The following ARSL variants were observed in gnomAD, a reference collection of about 807,000 sequenced individuals.
ARSL encodes the protein arylsulfatase L.
ARSL carries 4 observed loss-of-function variants against 31.1 expected under a neutral mutation model. That is an observed-to-expected ratio of 0.13 (90% confidence interval 0.06 to 0.29). ARSL has a LOEUF of 0.29. Among genes scored for constraint, ARSL ranks in the 10% least tolerant of loss-of-function variants. The pLI, the probability that ARSL is intolerant of heterozygous loss-of-function variation, is 1.00. For missense variants in ARSL, 312 were observed against 497.8 expected, an observed-to-expected ratio of 0.63 and a Z score of 3.55; for synonymous variants, 198 against 209.9, an observed-to-expected ratio of 0.94 and a Z score of 0.49.
At chrX:2,947,250 A>G (rs754728019) in intron 6 of ARSL, among the ~76,000 whole-genome samples, 97 of 111,672 alleles carry the variant, frequency 8.7e-4, no homozygotes, top group Non-Finnish European at 1.5e-3. Context: ...CCCGAATATT[A>G]TAATGTTCTA....
chrX:2,951,627 A>AAAAACAAAAG (rs1569106694), intron 5 of ARSL, among the ~76,000 whole-genome samples: 5 of 105,574 alleles, frequency 4.7e-5, no homozygotes, highest in Non-Finnish European at 9.7e-5. Flanking sequence ...AAAAAAAAAA[A>AAAAACAAAAG]AAAAAAAAGA....
At chrX:2,944,278 A>AT (rs1555909221) in intron 7 of ARSL, among the ~76,000 whole-genome samples, 1 of 108,833 alleles carries the variant, frequency 9.2e-6, no homozygotes, top group African/African-American at 3.4e-5. Flanking sequence ...ACATGGTGAA[A>AT]CCCCATCTCT....
rs80338714 is a variant in ARSL at position 2,934,859 on chromosome X, C to T, written c.1743G>A (p.Trp581Ter). The T allele has an allele frequency of 1.8e-5, 22 of 1,198,580 alleles. No individual in the cohort carries two copies. Among genetic ancestry groups the T allele is most frequent in the Non-Finnish European group, 2.3e-5 (20 of 887,983 alleles). Reference protein sequence around the residue: ...QPCCGPFPLCWCLREDDPQ With the variant: ...QPCCGPFPLC ...ATTGTGGGTCATCTTCCCTAAGGCACCAGCAGAGGGGGAACGGGCCACAGC... is the reference window on the plus strand; with the variant it reads ...ATTGTGGGTCATCTTCCCTAAGGCATCAGCAGAGGGGGAACGGGCCACAGC... Residue 581 changes from tryptophan (W) to a stop codon, truncating the protein, a stop_gained, in exon 11 of 11, where the codon TGG (tryptophan) becomes TGA (stop). Coordinates refer to ENST00000381134, the MANE Select transcript of ARSL (RefSeq NM_000047.3). LOFTEE classifies it low-confidence loss of function (END_TRUNC).
chrX:2,948,553 TCATAGCCTCACTA>T (rs1315325940), intron 6 of ARSL, among the ~76,000 whole-genome samples: 2 of 111,164 alleles, frequency 1.8e-5, no homozygotes, highest in South Asian at 7.5e-4. Context: ...CAGGCTCCCT[TCATAGCCTCACTA>T]CATAGCCTCA....
intron 5 of ARSL, among the ~76,000 whole-genome samples, chrX:2,952,071 T>A (rs957526674): frequency 9.0e-6 from 1 of 110,886 alleles, no homozygotes; most frequent in Non-Finnish European, 1.9e-5. Flanking sequence ...CTCAAGGAAC[T>A]GTTGTCATTA....
Position 2,948,989 on chromosome X carries a change from C to T in ARSL, c.854+315G>A, listed in dbSNP as rs192942506. Among the ~76,000 whole-genome samples the T allele has an allele frequency of 1.5e-3, 161 of 109,348 alleles. 1 individual carries two copies. The highest frequency in any genetic ancestry group is 5.0e-3 in the African/African-American group (150 of 29,957). The allele number at this position is 109,348 out of a possible 115,157, so 95.0% of individuals were successfully genotyped here. A position where few individuals can be genotyped will look rare whatever the true frequency, so the allele number is the denominator to read the frequency against. On this transcript the variant is annotated intron_variant, in intron 6 of 10. Transcript: ENST00000381134. Reference sequence around the variant, plus strand: ...CCAGGCTGGAGTGCAGTGATGTGACCTCACCTCCCTGCAACCTCCACCTCC... The same window carrying T: ...CCAGGCTGGAGTGCAGTGATGTGACTTCACCTCCCTGCAACCTCCACCTCC...
At chrX:2,966,499 G>A (rs1380065513), upstream of ARSL, among the ~76,000 whole-genome samples, 14 of 107,103 alleles carry the variant, frequency 1.3e-4, no homozygotes, top group African/African-American at 4.7e-4. Context: ...AATAAGGCTG[G>A]GTGTGGTGGC....
chrX:2,936,635 T>G, intron 10 of ARSL, 107 bp downstream of exon 10: 1 of 1,070,492 alleles, frequency 9.3e-7, no homozygotes, highest in Non-Finnish European at 1.3e-6. Flanking sequence ...GACATGGAGA[T>G]GGACTCTGGA....
intron 7 of ARSL, among the ~76,000 whole-genome samples, chrX:2,944,524 C>CAA (rs1181759083): frequency 9.2e-6 from 1 of 108,447 alleles, no homozygotes; most frequent in East Asian, 2.9e-4. Flanking sequence ...CACACACACA[C>CAA]AATTAACTTT....
intron 6 of ARSL, among the ~76,000 whole-genome samples, chrX:2,949,012 T>A (rs1352846790): frequency 2.7e-5 from 3 of 110,624 alleles, no homozygotes; most frequent in Non-Finnish European, 5.7e-5. Context: ...AACCTCCACC[T>A]CCCAGGTTCA....
At chrX:2,947,293 G>A (rs973150448) in intron 6 of ARSL, among the ~76,000 whole-genome samples, 7 of 112,314 alleles carry the variant, frequency 6.2e-5, no homozygotes, top group African/African-American at 1.3e-4. Context: ...TAAAAGAACT[G>A]TAGGTTACTG....
chrX:2,936,936 A>C (rs1270229361), intron 9 of ARSL, 73 bp from the exon 10 acceptor site: 1 of 1,176,334 alleles, frequency 8.5e-7, no homozygotes, highest in Non-Finnish European at 1.2e-6. Flanking sequence ...AGCATCCACC[A>C]GTCCCAGCCC....
At position 2,934,951 on chromosome X, in the gene ARSL, T is replaced by C. The variant is rs762752216; in HGVS notation, c.1651A>G (p.Thr551Ala). 8.3e-7 allele frequency: 1 copy of C among 1,210,744 alleles called. No individual in the cohort carries two copies. Among genetic ancestry groups the C allele is most frequent in the Non-Finnish European group, 1.1e-6 (1 of 895,149 alleles). Reference protein sequence around the residue: ...VQQAVWEHQRTLSPVPLQLDR... With the variant: ...VQQAVWEHQRALSPVPLQLDR... The stretch of plus-strand genomic sequence containing the variant: ...AGCTGCAGAGGAACTGGGCTGAGTG[T>C]CCGCTGGTGTTCCCACACCGCCTGC... Residue 551 changes from threonine (T) to alanine (A), a missense_variant, in exon 11 of 11, where the codon ACA (threonine) becomes GCA (alanine). Physicochemically the swap from Thr to Ala is moderately conservative, Grantham distance 58 (BLOSUM62 0). Transcript: ENST00000381134.
chrX:2,946,716 C>T (rs893950881), intron 6 of ARSL, among the ~76,000 whole-genome samples: 1 of 108,513 alleles, frequency 9.2e-6, no homozygotes, highest in African/African-American at 3.3e-5. Context: ...GTCGCCCAGG[C>T]GGGGGTGCAG....
Position 2,949,714 on chromosome X carries a change from C to T in ARSL, c.444G>A (p.Leu148=). The part of the protein sequence containing the change: ...YATGLIGKWH[L]GLNCESASDH... ...CACTGGCTGACTCACAGTTGAGACC[C>T]AGATGCCATTTTCCTGAGAGGCAAA... Residue 148 remains leucine (L), a synonymous_variant, in exon 6 of 11, where the codon CTG becomes CTA. Transcript: ENST00000381134. The T allele has an allele frequency of 8.3e-7, 1 of 1,211,014 alleles. No individual in the cohort carries two copies. Among genetic ancestry groups the T allele is most frequent in the Non-Finnish European group, 1.1e-6 (1 of 895,193 alleles).
Position 2,958,300 on chromosome X carries a change from A to G in ARSL, c.159T>C (p.Ile53=). ...TCATGGTGTTGTTGCCATAGCAGCC[A>G]ATGTCCCCAATGCCAAGGTCGTCCG... ...LMADDLGIGD[I]GCYGNNTMRT... The change falls in exon 3 of 11, where the codon ATT becomes ATC. Residue 53 remains isoleucine (I), a synonymous_variant. Transcript: ENST00000381134. 8.3e-7 allele frequency: 1 copy of G among 1,211,642 alleles called. No homozygotes were observed.
chrX:2,961,020 G>C (rs981395780), intron 1 of ARSL, among the ~76,000 whole-genome samples: 1 of 111,484 alleles, frequency 9.0e-6, no homozygotes, highest in East Asian at 2.8e-4. Context: ...AGGAGGTCCA[G>C]ACTTGAAAAC....
chrX:2,944,108 A>G (rs2089323092), intron 7 of ARSL, among the ~76,000 whole-genome samples: 1 of 109,921 alleles, frequency 9.1e-6, no homozygotes, highest in South Asian at 3.9e-4. Flanking sequence ...GAGCCTGGGA[A>G]GGCAGGGTGC....
In ARSL at chrX:2,953,121, C is replaced by A. The variant is rs2089483617; in HGVS notation, c.430+22G>T. 8 of 1,204,320 alleles carry A rather than the reference C, an allele frequency of 6.6e-6. No homozygotes were observed. The East Asian group carries it at 2.4e-4, about 36-fold the overall frequency. On this transcript the variant is annotated intron_variant, in intron 5 of 10. Coordinates refer to ENST00000381134, the MANE Select transcript of ARSL (RefSeq NM_000047.3). ...CTTCCATATAAAAGTCATGTGCTTA[C>A]CACTTTTAAAAACGTACATACCAAT...
Sources: gnomAD v4.1 joint callset for allele counts (sites outside exome capture counted in the v4.1 genomes callset) on GRCh38, gnomAD v4.1.1 for gene constraint, MANE v1.5 for transcripts, NCBI Gene and HGNC (gene_info 2026-07-23, HGNC 2026-07-21) for gene names.